The following GPC3 variants were observed in gnomAD, a reference collection of about 807,000 sequenced individuals.
The protein encoded by GPC3 is glypican 3.
GPC3 carries 3 observed loss-of-function variants against 34.4 expected under a neutral mutation model. The ratio of observed to expected loss-of-function variants is 0.09; its 90% CI spans 0.04 to 0.23. The LOEUF (loss-of-function observed/expected upper bound fraction) is 0.23. GPC3 is among the 10% of genes least tolerant of loss of function. The pLI, the probability that GPC3 is intolerant of heterozygous loss-of-function variation, is 1.00. For missense variants in GPC3, 351 were observed against 445.6 expected (o/e 0.79, Z 1.91); for synonymous variants, 177 against 174.0 (o/e 1.02, Z -0.13).
At chrX:133,887,246 C>G (rs1204265430) in intron 2 of GPC3, among the ~76,000 whole-genome samples, 1 of 112,449 alleles carries the variant, frequency 8.9e-6, no homozygotes, top group African/African-American at 3.2e-5. Context: ...GAGGAACCTC[C>G]ATAGTGTTTT....
intron 3 of GPC3, among the ~76,000 whole-genome samples, chrX:133,739,440 A>T (rs371502623): frequency 1.8e-5 from 2 of 112,175 alleles, no homozygotes; most frequent in South Asian, 7.4e-4. Flanking sequence ...CAAAATTTTC[A>T]TAGTAGTTCT....
chrX:133,665,426 G>A (rs898881956), intron 5 of GPC3, among the ~76,000 whole-genome samples: 4 of 111,479 alleles, frequency 3.6e-5, no homozygotes, highest in Admixed American at 2.9e-4. Flanking sequence ...AGATGTCCCC[G>A]TCCATGATAC....
intron 2 of GPC3, among the ~76,000 whole-genome samples, chrX:133,812,712 G>A (rs1347327182): frequency 8.9e-6 from 1 of 112,119 alleles, no homozygotes; most frequent in Non-Finnish European, 1.9e-5. Context: ...GCTCTCTTTG[G>A]GAACCCAAAT....
intron 6 of GPC3, among the ~76,000 whole-genome samples, chrX:133,625,784 T>C (rs1321904205): frequency 4.5e-5 from 5 of 111,997 alleles, no homozygotes; most frequent in Non-Finnish European, 9.4e-5. Flanking sequence ...AAGCTACCAA[T>C]GACTTTCTTC....
rs565307575 is a variant in GPC3, at chrX:133,831,512, C to A, written c.338-77336G>T. Among the ~76,000 whole-genome samples, 48 of 112,005 alleles carry A rather than the reference C, an allele frequency of 4.3e-4. No individual in the cohort carries two copies. The South Asian group carries it at 0.016, about 38-fold the overall frequency. ...TTGGGAGGCCAAGGCAGGCGGATCA[C>A]CTGAGGTTTGCAGTTCAAGAACAGC... On this transcript the variant is annotated intron_variant, in intron 2 of 7. Transcript: ENST00000370818.
chrX:133,722,828 T>G (rs1314635643), intron 3 of GPC3, among the ~76,000 whole-genome samples: 2 of 111,437 alleles, frequency 1.8e-5, no homozygotes, highest in African/African-American at 3.3e-5. Context: ...AGATGAATTT[T>G]GAAAAGGATA....
intron 7 of GPC3, among the ~76,000 whole-genome samples, chrX:133,567,071 A>G (rs2069587995): frequency 8.9e-6 from 1 of 112,008 alleles, no homozygotes; most frequent in Non-Finnish European, 1.9e-5. Flanking sequence ...TATTTCTCCA[A>G]TGTTCCTCCC....
chrX:133,981,879 C>T (rs139898673), intron 1 of GPC3, among the ~76,000 whole-genome samples: 8 of 112,163 alleles, frequency 7.1e-5, no homozygotes, highest in African/African-American at 1.3e-4. Flanking sequence ...AGGCATTTGG[C>T]CTTCTGGATT....
intron 6 of GPC3, among the ~76,000 whole-genome samples, chrX:133,624,606 C>T (rs1336705909): frequency 1.8e-5 from 2 of 111,301 alleles, no homozygotes; most frequent in Non-Finnish European, 3.8e-5. Flanking sequence ...CAAGACTAAA[C>T]CAGGAAGAAG....
intron 6 of GPC3, among the ~76,000 whole-genome samples, chrX:133,632,171 C>G (rs953491920): frequency 4.5e-5 from 5 of 111,718 alleles, no homozygotes; most frequent in Non-Finnish European, 9.4e-5. Context: ...GCAATCTCAG[C>G]TCACTGCAAC....
chrX:133,554,205 G>A (rs758083506), intron 7 of GPC3, among the ~76,000 whole-genome samples: 1 of 110,248 alleles, frequency 9.1e-6, no homozygotes, highest in African/African-American at 3.3e-5. Flanking sequence ...GTAGAGACGG[G>A]GTTTCACCAT....
chrX:133,676,494 T>C (rs140670239), intron 5 of GPC3, among the ~76,000 whole-genome samples: 3,415 of 111,716 alleles, frequency 0.031, 130 homozygotes, highest in African/African-American at 0.1. Flanking sequence ...TAACATAACA[T>C]GAAAGAATAA....
Position 133,804,065 on chromosome X carries a change from A to G in GPC3, c.338-49889T>C, listed in dbSNP as rs181723076. Among the ~76,000 whole-genome samples the G allele has an allele frequency of 8.6e-3, 949 of 110,549 alleles. 12 individuals are homozygous for G. Among genetic ancestry groups the G allele is most frequent in the African/African-American group, 0.029 (868 of 30,327 alleles). ...TTTAATGGACAAACAAATCAAATCC[A>G]GAAGATTGAAATGGAAGTGGCTCCA... On this transcript the variant is annotated intron_variant, in intron 2 of 7. Coordinates refer to ENST00000370818, the MANE Select transcript of GPC3 (RefSeq NM_004484.4).
At chrX:133,773,034 AAG>A (rs2124495676) in intron 2 of GPC3, among the ~76,000 whole-genome samples, 1 of 110,898 alleles carries the variant, frequency 9.0e-6, no homozygotes, top group African/African-American at 3.3e-5. Flanking sequence ...ACATAACAAA[AAG>A]GGGGTAGAAA....
At chrX:133,975,337 T>TCC (rs1393483394) in intron 1 of GPC3, among the ~76,000 whole-genome samples, 1 of 112,711 alleles carries the variant, frequency 8.9e-6, no homozygotes, top group Non-Finnish European at 1.9e-5. Context: ...ACATCTGTGC[T>TCC]CCAAGAAATC....
intron 2 of GPC3, among the ~76,000 whole-genome samples, chrX:133,867,016 G>T (rs1282523112): frequency 9.1e-6 from 1 of 110,237 alleles, no homozygotes; most frequent in African/African-American, 3.3e-5. Context: ...TGGCCAACAT[G>T]GTGAAACCCT....
chrX:133,946,897 AG>A (rs1240768201), intron 2 of GPC3, among the ~76,000 whole-genome samples: 1 of 111,417 alleles, frequency 9.0e-6, no homozygotes, highest in Non-Finnish European at 1.9e-5. Context: ...CAGGTGCCTC[AG>A]TCCCTGGAAG....
intron 3 of GPC3, among the ~76,000 whole-genome samples, chrX:133,713,795 CTT>C (rs1457840423): frequency 8.9e-6 from 1 of 112,018 alleles, no homozygotes; most frequent in Admixed American, 9.4e-5. Context: ...TTTGGGAAAA[CTT>C]GTTATCTTCT....
intron 5 of GPC3, among the ~76,000 whole-genome samples, chrX:133,679,875 C>A (rs2070923034): frequency 9.0e-6 from 1 of 111,164 alleles, no homozygotes; most frequent in African/African-American, 3.3e-5. Flanking sequence ...AGACTGGTCT[C>A]CAATTCCTGA....
Sources: allele counts gnomAD v4.1 joint callset (sites outside exome capture counted in the v4.1 genomes callset), GRCh38; gene constraint gnomAD v4.1.1; transcripts MANE v1.5; gene names NCBI Gene and HGNC (gene_info 2026-07-23, HGNC 2026-07-21).